CNNM2: variants seen among roughly 807,000 people sequenced by gnomAD.
CNNM2 encodes metal transporter CNNM2.
CNNM2 carries 12 observed loss-of-function variants against 66.9 expected under a neutral mutation model. The ratio of observed to expected loss-of-function variants is 0.18; its 90% CI spans 0.11 to 0.29. The LOEUF is 0.29. Ranked by LOEUF, CNNM2 falls within the 10% of genes least tolerant of loss-of-function variation. The probability of loss-of-function intolerance (pLI) is 1.00; values close to 1 mark genes in which losing one functional copy is unlikely to be tolerated. For synonymous variants in CNNM2, 557 were observed against 501.8 expected (o/e 1.11, Z -1.47); for missense variants, 705 against 1,167.7 (o/e 0.60, Z 5.77).
chr10:103,052,397 C>A (rs1289441242), intron 2 of CNNM2, among the ~76,000 whole-genome samples: 2 of 151,972 alleles, frequency 1.3e-5, no homozygotes, highest in Non-Finnish European at 2.9e-5. Flanking sequence ...TATGTTTGCA[C>A]TTCAGTTTTA....
chr10:102,943,572 T>C (rs573323298), intron 1 of CNNM2, among the ~76,000 whole-genome samples: 1 of 152,216 alleles, frequency 6.6e-6, no homozygotes, highest in East Asian at 1.9e-4. Context: ...GCATTACTTT[T>C]ATTATTTAGG....
rs751671335 is a variant in CNNM2 at position 103,056,982 on chromosome 10, A to G, written c.2073+18A>G. 63 of 1,602,666 alleles carry G rather than the reference A, an allele frequency of 3.9e-5. No homozygotes were observed. Among genetic ancestry groups the G allele is most frequent in the Non-Finnish European group, 4.8e-5 (56 of 1,174,704 alleles). On this transcript the variant is annotated intron_variant, in intron 4 of 7. Transcript: ENST00000369878. ...TTCTGCAGGTCAGAAGAATTATTCAATAGTGGTTTGCTCTCACTGAGTATC... is the reference window on the plus strand; with the variant it reads ...TTCTGCAGGTCAGAAGAATTATTCAGTAGTGGTTTGCTCTCACTGAGTATC...
At chr10:102,941,304 C>T (rs775148303) in intron 1 of CNNM2, among the ~76,000 whole-genome samples, 174 of 151,904 alleles carry the variant, frequency 1.1e-3, no homozygotes, top group Admixed American at 4.3e-3. Flanking sequence ...GATGGGGTCT[C>T]GCTATGTTGC....
intron 6 of CNNM2, among the ~76,000 whole-genome samples, 161 bp from the exon 7 acceptor site, chr10:103,075,925 G>A (rs893790964): frequency 3.9e-5 from 6 of 152,222 alleles, no homozygotes; most frequent in Admixed American, 1.3e-4. Flanking sequence ...CCGCGAGTCC[G>A]CCATACATAG....
At chr10:102,996,075 TATC>T (rs1239977740) in intron 1 of CNNM2, among the ~76,000 whole-genome samples, 2 of 152,216 alleles carry the variant, frequency 1.3e-5, no homozygotes, top group Non-Finnish European at 2.9e-5. Flanking sequence ...ATTATCGTAT[TATC>T]CTACTATCCT....
Position 102,969,300 on chromosome 10 carries a change from G to A in CNNM2, c.1621+49199G>A, listed in dbSNP as rs144364070. Reference sequence around the variant, plus strand: ...GCAATCTCAACTCACTGAAATCTCCGCCTCTGGGGTTCAAACGATTCTCCT... The same window carrying A: ...GCAATCTCAACTCACTGAAATCTCCACCTCTGGGGTTCAAACGATTCTCCT... On this transcript the variant is annotated intron_variant, in intron 1 of 7. Transcript: ENST00000369878. Among the ~76,000 whole-genome samples, 552 of 152,010 alleles carry A rather than the reference G, an allele frequency of 3.6e-3. 5 individuals carry two copies. The highest frequency in any genetic ancestry group is 0.013 in the African/African-American group (536 of 41,450).
At chr10:102,946,227 G>A (rs999191953) in intron 1 of CNNM2, among the ~76,000 whole-genome samples, 1 of 152,174 alleles carries the variant, frequency 6.6e-6, no homozygotes, top group Non-Finnish European at 1.5e-5. Flanking sequence ...AGTCTCAAAG[G>A]AGGCCAGAGG....
chr10:103,089,528 A>G lies in CNNM2; in HGVS notation c.*12348A>G, dbSNP rs531011106. 3.2e-4 allele frequency: 443 copies of G among 1,378,174 alleles called. 1 individual carries two copies. In the East Asian group the frequency reaches 6.2e-3, roughly 19 times the overall value. The allele number at this position is 1,378,174 out of a possible 1,614,324, so 85.4% of individuals were successfully genotyped here. A position where few individuals can be genotyped will look rare whatever the true frequency, so the allele number is the denominator to read the frequency against. On this transcript the variant is annotated 3_prime_UTR_variant, in exon 8 of 8. Transcript: ENST00000369878. ...CAAAACCAAAACAAGTATCTATGATAATAAAATCTTCAGAAACTTTTCAGA... is the reference window on the plus strand; with the variant it reads ...CAAAACCAAAACAAGTATCTATGATGATAAAATCTTCAGAAACTTTTCAGA...
chr10:103,011,147 G>A (rs1026219426), intron 1 of CNNM2, among the ~76,000 whole-genome samples: 1 of 152,134 alleles, frequency 6.6e-6, no homozygotes, highest in Non-Finnish European at 1.5e-5. Context: ...TCAGTGAGTT[G>A]CTTCTTTGCT....
chr10:102,994,261 C>T (rs2063948791), intron 1 of CNNM2, among the ~76,000 whole-genome samples: 1 of 152,184 alleles, frequency 6.6e-6, no homozygotes, highest in South Asian at 2.1e-4. Context: ...CTACTCCTTA[C>T]TTGATATGAG....
chr10:103,010,384 T>C lies in CNNM2; in HGVS notation c.1622-39323T>C, dbSNP rs529628107. Among the ~76,000 whole-genome samples, 107 of 151,980 alleles carry C rather than the reference T, an allele frequency of 7.0e-4. 1 individual carries two copies. The highest frequency in any genetic ancestry group is 2.5e-3 in the African/African-American group (104 of 41,452). ...TCCCAGATAGCTGGGACTACAGGCA[T>C]GTGCCACCATGCCCGGCTAATTTTT... On this transcript the variant is annotated intron_variant, in intron 1 of 7. Transcript: ENST00000369878.
At chr10:102,977,274 A>G (rs2063650074) in intron 1 of CNNM2, among the ~76,000 whole-genome samples, 1 of 151,904 alleles carries the variant, frequency 6.6e-6, no homozygotes, top group Admixed American at 6.6e-5. Flanking sequence ...GTTTTGGTAT[A>G]TTTGCATTAT....
intron 1 of CNNM2, among the ~76,000 whole-genome samples, chr10:102,998,737 G>A (rs2064051928): frequency 6.6e-6 from 1 of 152,052 alleles, no homozygotes. Flanking sequence ...CAGCTCTTTG[G>A]GAGGCAAAGC....
intron 1 of CNNM2, among the ~76,000 whole-genome samples, chr10:103,021,707 C>T (rs890626166): frequency 5.9e-5 from 9 of 152,040 alleles, no homozygotes; most frequent in African/African-American, 1.9e-4. Context: ...GTTAATCATC[C>T]GGGTTAAAGG....
chr10:102,976,589 G>A (rs927411333), intron 1 of CNNM2, among the ~76,000 whole-genome samples: 1 of 141,428 alleles, frequency 7.1e-6, no homozygotes, highest in African/African-American at 2.6e-5. Flanking sequence ...GGAATTACAG[G>A]TGTGCGCCAC....
chr10:103,076,113 G>A lies in CNNM2; in HGVS notation c.2261G>A (p.Cys754Tyr), dbSNP rs1554906985. The change falls in exon 7 of 8, where the codon TGT becomes TAT. Residue 754 changes from cysteine to tyrosine, a missense_variant. Cys to Tyr is a radical substitution (Grantham distance 194). Transcript: ENST00000369878. ...PGENKSPPRP[C>Y]GLNHSDSLSR... ...GAAAATAAGTCCCCTCCTCGCCCAT[G>A]TGGCTTGAATCACTCAGACTCTCTC... 6.2e-7 allele frequency: 1 copy of A among 1,612,104 alleles called. No individual in the cohort carries two copies. Among genetic ancestry groups the A allele is most frequent in the Non-Finnish European group, 8.5e-7 (1 of 1,179,074 alleles).
At chr10:102,947,282 G>A (rs1846649642) in intron 1 of CNNM2, among the ~76,000 whole-genome samples, 1 of 152,052 alleles carries the variant, frequency 6.6e-6, no homozygotes, top group African/African-American at 2.4e-5. Flanking sequence ...GTTTCACACT[G>A]TTCTAAAGCT....
rs1438146541 is a variant in CNNM2, at chr10:103,077,181, G to T, written c.*1G>T. On this transcript the variant is annotated 3_prime_UTR_variant, in exon 8 of 8. Coordinates refer to ENST00000369878, the MANE Select transcript of CNNM2 (RefSeq NM_017649.5). ...CCTGCACAACGAAGGCGCCATCTAG[G>T]CCGCGCTGGCTGCACCCGCCCAGGC... is the stretch of plus-strand genomic sequence containing the variant. 21 of 1,611,444 alleles carry T rather than the reference G, an allele frequency of 1.3e-5. No homozygotes were observed. In the Admixed American group the frequency reaches 3.5e-4, roughly 27 times the overall value.
At chr10:102,930,009 A>AT (rs1227113452) in intron 1 of CNNM2, among the ~76,000 whole-genome samples, 1 of 152,172 alleles carries the variant, frequency 6.6e-6, no homozygotes, top group Non-Finnish European at 1.5e-5. Flanking sequence ...ATGATTTAGT[A>AT]TTTTTTTCCC....
Sources: gnomAD v4.1 joint callset for allele counts (sites outside exome capture counted in the v4.1 genomes callset) on GRCh38, gnomAD v4.1.1 for gene constraint, MANE v1.5 for transcripts, NCBI Gene and HGNC (gene_info 2026-07-23, HGNC 2026-07-21) for gene names.